The following RYR3 variants were observed in gnomAD, a reference collection of about 807,000 sequenced individuals.
RYR3 encodes ryanodine receptor 3.
RYR3 carries 207 observed loss-of-function variants against 584.3 expected under a neutral mutation model. That is an observed-to-expected ratio of 0.35 (90% confidence interval 0.32 to 0.40). RYR3 has a LOEUF of 0.40. Among genes scored for constraint, RYR3 ranks in the 10% least tolerant of loss-of-function variants. The pLI is 1.00. For synonymous variants in RYR3, 2,416 were observed against 2,248.5 expected (o/e 1.07, Z -2.11); for missense variants, 5,616 against 6,089.2 (o/e 0.92, Z 2.59).
chr15:33,337,681 T>A (rs1238865659), intron 1 of RYR3, among the ~76,000 whole-genome samples: 1 of 152,164 alleles, frequency 6.6e-6, no homozygotes, highest in Non-Finnish European at 1.5e-5. Flanking sequence ...TGTCAACTGG[T>A]ACAGTCACTT....
At chr15:33,701,586 G>A (rs2066304929) in intron 42 of RYR3, among the ~76,000 whole-genome samples, 1 of 151,994 alleles carries the variant, frequency 6.6e-6, no homozygotes, top group Non-Finnish European at 1.5e-5. Flanking sequence ...TGATGTCCTT[G>A]ACCGGAGGGC....
chr15:33,506,263 T>C (rs1324656206), intron 3 of RYR3, among the ~76,000 whole-genome samples: 3 of 152,220 alleles, frequency 2.0e-5, no homozygotes, highest in Non-Finnish European at 4.4e-5. Context: ...ACCAAGCATG[T>C]TATAGCAGAA....
chr15:33,760,462 T>C (rs2072319551), intron 60 of RYR3, among the ~76,000 whole-genome samples: 1 of 152,172 alleles, frequency 6.6e-6, no homozygotes, highest in African/African-American at 2.4e-5. Context: ...TCCTAGTCTC[T>C]GATAAAACAG....
chr15:33,816,740 T>C, intron 74 of RYR3, 122 bp from the exon 75 acceptor site: 2 of 608,462 alleles, frequency 3.3e-6, no homozygotes, highest in Non-Finnish European at 5.9e-6. Flanking sequence ...CTGGCTACCC[T>C]GACCAATCAG....
chr15:33,455,570 T>C (rs928963401), intron 1 of RYR3, among the ~76,000 whole-genome samples: 18 of 152,132 alleles, frequency 1.2e-4, no homozygotes, highest in African/African-American at 4.3e-4. Flanking sequence ...CCTTGCCACA[T>C]AGGTCAAGTA....
intron 38 of RYR3, among the ~76,000 whole-genome samples, chr15:33,694,006 G>A (rs2065641721): frequency 6.6e-6 from 1 of 152,152 alleles, no homozygotes; most frequent in African/African-American, 2.4e-5. Flanking sequence ...CAGTTCCGGA[G>A]CACCAGGAGG....
rs1042975544 is a variant in RYR3, at chr15:33,647,313, G to T, written c.3942-111G>T. The T allele has an allele frequency of 4.0e-5, 32 of 798,208 alleles. No homozygotes were observed. In the East Asian group the frequency reaches 7.8e-4, roughly 19 times the overall value. The allele number at this position is 798,208 out of a possible 1,614,324, so 49.4% of individuals were successfully genotyped here. A position where few individuals can be genotyped will look rare whatever the true frequency, so the allele number is the denominator to read the frequency against. ...TGCAATCACTTGTGTTTAGGGAGTA[G>T]CCAGTTTCCTAAACTTGACTTGATC... On this transcript the variant is annotated intron_variant, in intron 29 of 103. Transcript: ENST00000634891.
chr15:33,634,537 G>A, intron 24 of RYR3, 49 bp from the exon 25 acceptor site: 1 of 1,601,458 alleles, frequency 6.2e-7, no homozygotes, highest in South Asian at 1.1e-5. Flanking sequence ...GTGAGCTGTG[G>A]TGAAGGTGAA....
intron 91 of RYR3, among the ~76,000 whole-genome samples, chr15:33,842,984 C>T (rs964301510): frequency 6.6e-6 from 1 of 151,938 alleles, no homozygotes; most frequent in Admixed American, 6.6e-5. Context: ...ATTTTGGTTC[C>T]ATGTTCATGA....
intron 91 of RYR3, 69 bp from the exon 92 acceptor site, chr15:33,843,419 T>TAA: frequency 9.4e-7 from 1 of 1,059,786 alleles, no homozygotes; most frequent in East Asian, 2.6e-5. Context: ...ACTGACCTTC[T>TAA]GTGTGAAAGT....
chr15:33,381,763 T>C (rs1385161200), intron 1 of RYR3, among the ~76,000 whole-genome samples: 4 of 152,202 alleles, frequency 2.6e-5, no homozygotes, highest in Non-Finnish European at 4.4e-5. Flanking sequence ...AGTCTGTTGC[T>C]CACCCACTTC....
intron 65 of RYR3, among the ~76,000 whole-genome samples, chr15:33,781,351 T>C (rs1319652938): frequency 6.6e-6 from 1 of 152,208 alleles, no homozygotes; most frequent in African/African-American, 2.4e-5. Flanking sequence ...TACAGTAAAT[T>C]ATTTTCAACC....
Position 33,671,805 on chromosome 15 carries a change from CTTTTTTTTTT to C in RYR3, c.5860+1264_5860+1273del, listed in dbSNP as rs56206846. The stretch of plus-strand genomic sequence containing the variant: ...GTTGCTTCTTTCCCACCTTCTTTTT[CTTTTTTTTTT>C]TTTTTTTTTTTTTTCCTGAGACAGG... On this transcript the variant is annotated intron_variant, in intron 38 of 103. Coordinates refer to ENST00000634891, the MANE Select transcript of RYR3 (RefSeq NM_001036.6). Among the ~76,000 whole-genome samples the C allele has an allele frequency of 2.3e-3, 188 of 80,308 alleles. 1 individual carries two copies. The highest frequency in any genetic ancestry group is 9.7e-3 in the African/African-American group (176 of 18,106). The allele number at this position is 80,308 out of a possible 152,430, so 52.7% of individuals were successfully genotyped here. A position where few individuals can be genotyped will look rare whatever the true frequency, so the allele number is the denominator to read the frequency against.
rs1300438550 is a variant in RYR3 at position 33,853,699 on chromosome 15, A to G, written c.13799+17A>G. 5 of 1,609,344 alleles carry G rather than the reference A, an allele frequency of 3.1e-6. No individual in the cohort carries two copies. In the African/African-American group the frequency reaches 5.3e-5, roughly 17 times the overall value. ...GGTGTCATGGTACAAAAAGCTTAGG[A>G]GTTCAAATCCAAAGCAGCTAAAATA... On this transcript the variant is annotated intron_variant, in intron 96 of 103. Transcript: ENST00000634891.
At chr15:33,557,448 G>A (rs1000336126) in intron 10 of RYR3, among the ~76,000 whole-genome samples, 8 of 152,070 alleles carry the variant, frequency 5.3e-5, no homozygotes, top group Admixed American at 2.6e-4. Flanking sequence ...GCAGTGGCGC[G>A]ATCTTGGCTC....
chr15:33,847,229 A>G (rs1596993006), intron 93 of RYR3: 1 of 152,198 alleles, frequency 6.6e-6, no homozygotes, highest in Non-Finnish European at 1.5e-5. Context: ...CCACCTTCCT[A>G]TCGTGAGTTT....
At chr15:33,360,494 A>G (rs1233112867) in intron 1 of RYR3, among the ~76,000 whole-genome samples, 1 of 152,190 alleles carries the variant, frequency 6.6e-6, no homozygotes, top group Non-Finnish European at 1.5e-5. Context: ...CTTTGTATGG[A>G]TATATCACAG....
At chr15:33,612,049 G>A (rs951118624) in intron 18 of RYR3, among the ~76,000 whole-genome samples, 4 of 152,086 alleles carry the variant, frequency 2.6e-5, no homozygotes, top group Non-Finnish European at 5.9e-5. Flanking sequence ...TCTTTTGCTG[G>A]AAGCTCTATT....
chr15:33,334,604 T>C (rs12441685), intron 1 of RYR3, among the ~76,000 whole-genome samples: 53,046 of 151,996 alleles, frequency 0.35, 9,518 homozygotes, highest in East Asian at 0.53. Flanking sequence ...GGCAATACGA[T>C]TCAGGAAATA....
Sources: allele counts gnomAD v4.1 joint callset (sites outside exome capture counted in the v4.1 genomes callset), GRCh38; gene constraint gnomAD v4.1.1; transcripts MANE v1.5; gene names NCBI Gene and HGNC (gene_info 2026-07-23, HGNC 2026-07-21).